Variants in MAD1L1 observed in about 807,000 individuals in gnomAD.
MAD1L1 encodes the protein mitotic spindle assembly checkpoint protein MAD1.
Under a neutral mutation model 96.9 loss-of-function variants are expected in MAD1L1, and 95 were observed. That is an observed-to-expected ratio of 0.98 (90% CI 0.83 to 1.16). The LOEUF (loss-of-function observed/expected upper bound fraction) is 1.16, where lower values mean the gene tolerates loss of function less well. Ranked by LOEUF, MAD1L1 falls within the 50% of genes most tolerant of loss-of-function variation. The pLI is 0.00. For missense variants in MAD1L1, 1,007 were observed against 954.4 expected (o/e 1.06, Z -0.73); for synonymous variants, 473 against 396.6 (o/e 1.19, Z -2.29).
chr7:2,007,573 C>T (rs1306810185), intron 13 of MAD1L1, among the ~76,000 whole-genome samples: 1 of 152,194 alleles, frequency 6.6e-6, no homozygotes, highest in Non-Finnish European at 1.5e-5. Context: ...ACTCAGGATA[C>T]CAAGGCAGGA....
intron 11 of MAD1L1, among the ~76,000 whole-genome samples, chr7:2,086,997 T>A (rs2128542571): frequency 6.6e-6 from 1 of 152,330 alleles, no homozygotes; most frequent in South Asian, 2.1e-4. Flanking sequence ...AACATCACTT[T>A]GAGAAGAGCA....
chr7:1,951,914 C>T (rs867272673), intron 16 of MAD1L1, among the ~76,000 whole-genome samples: 1 of 152,292 alleles, frequency 6.6e-6, no homozygotes, highest in South Asian at 2.1e-4. Flanking sequence ...GTGCCCGTAT[C>T]CATGAGTCCC....
At chr7:2,087,850 C>T (rs576417997) in intron 11 of MAD1L1, among the ~76,000 whole-genome samples, 21 of 152,156 alleles carry the variant, frequency 1.4e-4, no homozygotes, top group Admixed American at 3.3e-4. Context: ...CATGGAACAC[C>T]GTAGGCGCCC....
chr7:1,938,872 GGACA>G (rs1778770629), intron 16 of MAD1L1, among the ~76,000 whole-genome samples: 1 of 43,192 alleles, frequency 2.3e-5, no homozygotes, highest in Admixed American at 2.5e-4. Flanking sequence ...ACACACACAC[GGACA>G]CAGTCCAGGG....
At chr7:1,823,928 C>T (rs1000353840) in intron 18 of MAD1L1, among the ~76,000 whole-genome samples, 5 of 152,196 alleles carry the variant, frequency 3.3e-5, no homozygotes, top group African/African-American at 7.2e-5. Flanking sequence ...CTGCAAGCGC[C>T]GCTCCGGAGC....
intron 12 of MAD1L1, among the ~76,000 whole-genome samples, chr7:2,060,063 GTATCAAGATACGCTGA>G (rs1337445259): frequency 2.2e-5 from 3 of 139,276 alleles, no homozygotes; most frequent in Admixed American, 1.4e-4. Context: ...CGATGCCGAG[GTATCAAGATACGCTGA>G]TGCCAAGATA....
chr7:2,064,972 AG>A (rs1406903045), intron 12 of MAD1L1, among the ~76,000 whole-genome samples: 2 of 152,066 alleles, frequency 1.3e-5, no homozygotes, highest in Non-Finnish European at 2.9e-5. Context: ...TTCTCCCGGG[AG>A]GATGGTGGCT....
At chr7:1,948,355 T>C (rs1470858181) in intron 16 of MAD1L1, among the ~76,000 whole-genome samples, 3 of 138,308 alleles carry the variant, frequency 2.2e-5, no homozygotes, top group Admixed American at 7.4e-5. Context: ...CTGTATAGCC[T>C]CCGCTCAGGG....
At chr7:2,207,431 G>A (rs1792657011) in intron 10 of MAD1L1, among the ~76,000 whole-genome samples, 1 of 152,074 alleles carries the variant, frequency 6.6e-6, no homozygotes, top group East Asian at 1.9e-4. Context: ...CAACCTCCTA[G>A]GAGGGGAGAG....
chr7:1,920,463 T>A (rs1788714179), intron 17 of MAD1L1, among the ~76,000 whole-genome samples: 1 of 151,976 alleles, frequency 6.6e-6, no homozygotes, highest in Non-Finnish European at 1.5e-5. Context: ...CCAAGGGAAG[T>A]GGTTAAAACA....
rs573226516 is a variant in MAD1L1 at position 2,102,884 on chromosome 7, C to T, written c.1074-33546G>A. Among the ~76,000 whole-genome samples the T allele has an allele frequency of 7.9e-5, 12 of 152,294 alleles. No individual in the cohort carries two copies. The East Asian group carries it at 2.3e-3, about 29-fold the overall frequency. ...TCCTTGTCACTCCAGAGACAATGCC[C>T]AGAGATGGCGTCTTCTCCTACCCAC... On this transcript the variant is annotated intron_variant, in intron 11 of 18. Transcript: ENST00000265854.
chr7:1,909,613 C>T lies in MAD1L1; in HGVS notation c.1808-11223G>A, dbSNP rs115960779. On this transcript the variant is annotated intron_variant, in intron 17 of 18. Coordinates refer to ENST00000265854, the MANE Select transcript of MAD1L1 (RefSeq NM_001013836.2). ...CCGTACCCCAGCATGCCCCACAGCG[C>T]CCCACCTGGCTCATCCCAGGGGCTG... is the stretch of plus-strand genomic sequence containing the variant. 1.8e-4 allele frequency among the ~76,000 whole-genome samples: 28 copies of T among 152,296 alleles called. 1 individual carries two copies. The East Asian group carries it at 5.4e-3, about 30-fold the overall frequency.
rs56009551 is a variant in MAD1L1, at chr7:2,228,662, C to CAT, written c.150+1320_150+1321dup. Among the ~76,000 whole-genome samples the CAT allele has an allele frequency of 7.9e-5, 12 of 151,080 alleles. No individual in the cohort carries two copies. The East Asian group carries it at 9.7e-4, about 12-fold the overall frequency. ...TAAATATTATATATATACACACACA[C>CAT]ATATATATATATATGACCTAATCTC... On this transcript the variant is annotated intron_variant, in intron 3 of 18. Coordinates refer to ENST00000265854, the MANE Select transcript of MAD1L1 (RefSeq NM_001013836.2).
intron 10 of MAD1L1, among the ~76,000 whole-genome samples, chr7:2,159,660 C>G (rs1790007896): frequency 1.3e-5 from 2 of 152,118 alleles, no homozygotes. Context: ...CATATCATTC[C>G]AGAACAGTAA....
At chr7:2,006,694 C>A (rs557591715) in intron 13 of MAD1L1, among the ~76,000 whole-genome samples, 1 of 152,028 alleles carries the variant, frequency 6.6e-6, no homozygotes. Context: ...CATCACTAAA[C>A]CCGCACGGCC....
rs191082589 is a variant in MAD1L1 at position 1,843,686 on chromosome 7, T to A, written c.1999-27458A>T. 1.8e-3 allele frequency among the ~76,000 whole-genome samples: 278 copies of A among 152,330 alleles called. 1 individual carries two copies. The highest frequency in any genetic ancestry group is 3.4e-3 in the Non-Finnish European group (233 of 68,036). ...ACCAAGGCCGGGAGGAGACCTGAGCTGAAGACTCACTTCTGGAGTGGGCAC... is the reference window on the plus strand; with the variant it reads ...ACCAAGGCCGGGAGGAGACCTGAGCAGAAGACTCACTTCTGGAGTGGGCAC... On this transcript the variant is annotated intron_variant, in intron 18 of 18. Coordinates refer to ENST00000265854, the MANE Select transcript of MAD1L1 (RefSeq NM_001013836.2).
intron 11 of MAD1L1, among the ~76,000 whole-genome samples, chr7:2,134,557 G>A (rs999395653): frequency 5.3e-5 from 8 of 152,316 alleles, no homozygotes; most frequent in East Asian, 3.9e-4. Flanking sequence ...TGATCTTAGC[G>A]AGAAAGCTTC....
At chr7:2,027,464 G>C (rs923677528) in intron 12 of MAD1L1, among the ~76,000 whole-genome samples, 6 of 152,132 alleles carry the variant, frequency 3.9e-5, no homozygotes, top group Non-Finnish European at 5.9e-5. Context: ...TTAACGTACT[G>C]GCAAACCAAA....
chr7:2,205,732 C>T (rs565224007), intron 10 of MAD1L1, among the ~76,000 whole-genome samples: 113 of 152,350 alleles, frequency 7.4e-4, no homozygotes, highest in African/African-American at 2.6e-3. Context: ...GCAAGAAGAA[C>T]CCTGTTGGGC....
Sources: allele counts gnomAD v4.1 joint callset (sites outside exome capture counted in the v4.1 genomes callset), GRCh38; gene constraint gnomAD v4.1.1; transcripts MANE v1.5; gene names NCBI Gene and HGNC (gene_info 2026-07-23, HGNC 2026-07-21).